GRID2: variants seen among roughly 807,000 people sequenced by gnomAD.
The protein encoded by GRID2 is glutamate receptor ionotropic, delta-2.
A neutral mutation model predicts 114.8 loss-of-function variants in GRID2; 33 were observed. The ratio of observed to expected loss-of-function variants is 0.29; its 90% CI spans 0.22 to 0.38. The LOEUF (loss-of-function observed/expected upper bound fraction) is 0.38, where lower values mean the gene tolerates loss of function less well. Among genes scored for constraint, GRID2 ranks in the 10% least tolerant of loss-of-function variants. The pLI is 1.00. For synonymous variants in GRID2, 505 were observed against 449.9 expected, an observed-to-expected ratio of 1.12 and a Z score of -1.55; for missense variants, 1,184 against 1,257.7, an observed-to-expected ratio of 0.94 and a Z score of 0.89.
At chr4:92,700,651 T>C (rs148555519) in intron 2 of GRID2, among the ~76,000 whole-genome samples, 1,682 of 152,296 alleles carry the variant, frequency 0.011, 35 homozygotes, top group African/African-American at 0.037. Flanking sequence ...GAATATTTTA[T>C]GGATGCGGAT....
chr4:92,357,800 A>G (rs1044488804), intron 1 of GRID2, among the ~76,000 whole-genome samples: 4 of 151,946 alleles, frequency 2.6e-5, no homozygotes, highest in African/African-American at 9.7e-5. Flanking sequence ...GTTTTAAAAT[A>G]CATATTTATT....
chr4:92,487,817 C>A (rs575879444), intron 1 of GRID2, among the ~76,000 whole-genome samples: 1 of 151,764 alleles, frequency 6.6e-6, no homozygotes, highest in Non-Finnish European at 1.5e-5. Flanking sequence ...GTTCTTGGAT[C>A]GGCAGTTTTG....
intron 14 of GRID2, among the ~76,000 whole-genome samples, chr4:93,730,302 A>G (rs551814390): frequency 6.6e-6 from 1 of 152,318 alleles, no homozygotes. Flanking sequence ...TTCCTCAGAA[A>G]ATATGAGTGC....
chr4:92,676,223 C>T (rs1259087566), intron 2 of GRID2, among the ~76,000 whole-genome samples: 3 of 84,996 alleles, frequency 3.5e-5, no homozygotes, highest in Non-Finnish European at 6.7e-5. Context: ...CTCTGTCGCC[C>T]AGGCTGGAGT....
chr4:93,590,676 C>G lies in GRID2; in HGVS notation c.2194-35593C>G, dbSNP rs1332324184. ...GGCCATTTTCACGATATTGATTCTT[C>G]CTACCCATGAGCATGGAATGTTCTT... is the stretch of plus-strand genomic sequence containing the variant. On this transcript the variant is annotated intron_variant, in intron 13 of 15. Transcript: ENST00000282020. Among the ~76,000 whole-genome samples the G allele has an allele frequency of 7.2e-5, 11 of 152,270 alleles. No individual in the cohort carries two copies. The East Asian group carries it at 1.7e-3, about 24-fold the overall frequency.
At chr4:93,794,357 C>T (rs1734753949) in intron 1 of GRID2, among the ~76,000 whole-genome samples, 1 of 152,174 alleles carries the variant, frequency 6.6e-6, no homozygotes, top group Non-Finnish European at 1.5e-5. Context: ...ACACAGACTG[C>T]CATTGTCCCA....
At chr4:93,288,547 G>A (rs1753416248) in intron 8 of GRID2, among the ~76,000 whole-genome samples, 1 of 152,098 alleles carries the variant, frequency 6.6e-6, no homozygotes. Context: ...TGCCTCAGGT[G>A]CTCCATCTGT....
chr4:92,522,239 G>T (rs1271278793), intron 1 of GRID2, among the ~76,000 whole-genome samples: 1 of 151,880 alleles, frequency 6.6e-6, no homozygotes, highest in African/African-American at 2.4e-5. Flanking sequence ...ATATTCTAAG[G>T]TTAAATTGTG....
intron 2 of GRID2, among the ~76,000 whole-genome samples, chr4:92,994,704 G>C (rs1277884725): frequency 6.6e-6 from 1 of 152,040 alleles, no homozygotes; most frequent in African/African-American, 2.4e-5. Context: ...TATAGAACTG[G>C]GACCCCAAAT....
intron 1 of GRID2, among the ~76,000 whole-genome samples, chr4:92,563,817 TTC>T (rs1242866499): frequency 1.3e-5 from 2 of 152,080 alleles, no homozygotes; most frequent in Admixed American, 6.6e-5. Flanking sequence ...TTACCTTTAC[TTC>T]TCTCTACACC....
In GRID2 at chr4:92,741,182, C is replaced by T. The variant is rs75824366; in HGVS notation, c.244+150896C>T. 6.4e-4 allele frequency among the ~76,000 whole-genome samples: 98 copies of T among 152,170 alleles called. 2 individuals are homozygous for T. The East Asian group carries it at 0.018, about 27-fold the overall frequency. On this transcript the variant is annotated intron_variant, in intron 2 of 15. Transcript: ENST00000282020. ...AAATATCCTAAGTCCCATGAATTTC[C>T]GGTGCCTCAGTTCCTTTCACTGTAA... is the stretch of plus-strand genomic sequence containing the variant.
chr4:92,360,838 A>T (rs1728582045), intron 1 of GRID2, among the ~76,000 whole-genome samples: 3 of 151,958 alleles, frequency 2.0e-5, no homozygotes, highest in Admixed American at 2.0e-4. Context: ...TCTCCACAGG[A>T]AACTTTTGTG....
intron 1 of GRID2, among the ~76,000 whole-genome samples, chr4:92,477,855 T>G (rs987980392): frequency 2.0e-5 from 3 of 147,990 alleles, no homozygotes; most frequent in African/African-American, 7.4e-5. Context: ...ATATATATAT[T>G]CACACATAAT....
At chr4:93,087,647 G>A (rs972394307) in intron 3 of GRID2, among the ~76,000 whole-genome samples, 1 of 152,072 alleles carries the variant, frequency 6.6e-6, no homozygotes, top group Non-Finnish European at 1.5e-5. Flanking sequence ...TAGATCTGAG[G>A]TTTGCTTTAG....
chr4:92,312,243 C>T (rs969145894), intron 1 of GRID2, among the ~76,000 whole-genome samples: 1 of 152,046 alleles, frequency 6.6e-6, no homozygotes, highest in Admixed American at 6.6e-5. Context: ...TAGGGACTTA[C>T]AGGCCATGGT....
intron 2 of GRID2, among the ~76,000 whole-genome samples, chr4:92,713,540 A>C: frequency 8.6e-6 from 1 of 115,960 alleles, no homozygotes; most frequent in East Asian, 3.1e-4. Context: ...GGTCTTGGAT[A>C]GTGTTTTCAT....
At position 93,377,763 on chromosome 4, in the gene GRID2, A is replaced by C. The variant is rs116816046; in HGVS notation, c.1246-17844A>C. On this transcript the variant is annotated intron_variant, in intron 8 of 15. Transcript: ENST00000282020. ...CAAGAGTCTTTTCCCTCTGGATTAG[A>C]GAACATCTCTGCCAGAATCAAAATG... Among the ~76,000 whole-genome samples the C allele has an allele frequency of 8.6e-3, 1,315 of 152,286 alleles. 16 individuals are homozygous for C. Among genetic ancestry groups the C allele is most frequent in the African/African-American group, 0.03 (1,243 of 41,570 alleles).
At chr4:92,955,494 T>C (rs1752336791) in intron 2 of GRID2, among the ~76,000 whole-genome samples, 1 of 152,064 alleles carries the variant, frequency 6.6e-6, no homozygotes, top group South Asian at 2.1e-4. Context: ...TTGTTTGAGT[T>C]CATTGTAGAT....
chr4:93,473,348 C>T (rs1339257832), intron 11 of GRID2, among the ~76,000 whole-genome samples: 1 of 151,982 alleles, frequency 6.6e-6, no homozygotes, highest in East Asian at 1.9e-4. Context: ...AACATTGTAC[C>T]ATACTTCATA....
Sources: gnomAD v4.1 joint callset for allele counts (sites outside exome capture counted in the v4.1 genomes callset) on GRCh38, gnomAD v4.1.1 for gene constraint, MANE v1.5 for transcripts, NCBI Gene and HGNC (gene_info 2026-07-23, HGNC 2026-07-21) for gene names.